HSPG2: variants seen among roughly 807,000 people sequenced by gnomAD.
HSPG2 encodes heparan sulfate proteoglycan 2, also known as basement membrane-specific heparan sulfate proteoglycan core protein.
A neutral mutation model predicts 526.6 loss-of-function variants in HSPG2; 278 were observed. That is an observed-to-expected ratio of 0.53 (90% CI 0.48 to 0.58). The LOEUF (loss-of-function observed/expected upper bound fraction) is 0.58. HSPG2 is among the 20% of genes least tolerant of loss of function. The pLI is 0.00. For missense variants in HSPG2, 5,354 were observed against 6,099.5 expected, an observed-to-expected ratio of 0.88 and a Z score of 4.07; for synonymous variants, 2,465 against 2,555.4, an observed-to-expected ratio of 0.96 and a Z score of 1.07.
intron 55 of HSPG2, 30 bp from the exon 56 acceptor site, chr1:21,850,528 G>T (rs2152717796): frequency 1.3e-6 from 2 of 1,577,996 alleles, no homozygotes; most frequent in East Asian, 4.5e-5. Context: ...GTCAGAGGGA[G>T]CCCTCAGGAG....
chr1:21,931,836 C>T (rs901173377), intron 1 of HSPG2, among the ~76,000 whole-genome samples: 1 of 152,140 alleles, frequency 6.6e-6, no homozygotes, highest in Non-Finnish European at 1.5e-5. Flanking sequence ...CCCCAGGGAA[C>T]AGCCAGAAAA....
chr1:21,844,316 A>T lies in HSPG2; in HGVS notation c.8465-17T>A. On this transcript the variant is annotated splice_polypyrimidine_tract_variant and intron_variant, in intron 64 of 96. Transcript: ENST00000374695. ...CACCTGGGGCTGGGGCACAGGGGAG[A>T]GGTCAGTGAGCTGAGATGCCACCCT... The T allele has an allele frequency of 1.2e-6, 2 of 1,605,658 alleles. No homozygotes were observed. Among genetic ancestry groups the T allele is most frequent in the Non-Finnish European group, 1.7e-6 (2 of 1,174,092 alleles).
chr1:21,862,762 T>C (rs552227243), intron 37 of HSPG2, among the ~76,000 whole-genome samples: 13 of 151,948 alleles, frequency 8.6e-5, no homozygotes, highest in Non-Finnish European at 1.8e-4. Flanking sequence ...CTCAGGTATT[T>C]GGGGGCAGAG....
chr1:21,828,912 G>C lies in HSPG2; in HGVS notation c.12160C>G (p.Leu4054Val). Residue 4054 changes from leucine (L) to valine (V), a missense_variant, in exon 88 of 97, where the codon CTG becomes GTG. Leu to Val is a conservative substitution (Grantham distance 32, BLOSUM62 1). Coordinates refer to ENST00000374695, the MANE Select transcript of HSPG2 (RefSeq NM_005529.7). This position sits in a 1 kb window ranked among gnomAD's most constrained non-coding sequence, Gnocchi z 6.0. ...QGLNLHTLLY[L>V]GGVEPSVPLS... ...GGCACGGAAGGCTCCACACCCCCCA[G>C]GTAGAGCAGGGTGTGCAGGTTGAGG... 1.3e-6 allele frequency: 2 copies of C among 1,562,018 alleles called. No individual in the cohort carries two copies.
chr1:21,887,290 C>T lies in HSPG2; in HGVS notation c.1003G>A (p.Gly335Arg). 6.2e-7 allele frequency: 1 copy of T among 1,614,092 alleles called. No homozygotes were observed. Among genetic ancestry groups the T allele is most frequent in the Non-Finnish European group, 8.5e-7 (1 of 1,179,960 alleles). ...CEPNEFPCGN[G>R]HCALKLWRCD... Reference sequence around the variant, plus strand: ...CGCCACAGCTTGAGGGCACAATGTCCATTCCCGCAGGGGAACTCGTTGGGC... The same window carrying T: ...CGCCACAGCTTGAGGGCACAATGTCTATTCCCGCAGGGGAACTCGTTGGGC... The change falls in exon 9 of 97, where the codon GGA becomes AGA. Residue 335 changes from glycine to arginine, a missense_variant. Gly to Arg is a moderately radical substitution (Grantham distance 125, BLOSUM62 -2). Coordinates refer to ENST00000374695, the MANE Select transcript of HSPG2 (RefSeq NM_005529.7). The surrounding 1 kb of genome is among the most constrained non-coding windows in gnomAD (Gnocchi z 5.0).
At chr1:21,878,077 A>C in intron 21 of HSPG2, 109 bp downstream of exon 21, 1 of 1,006,144 alleles carries the variant, frequency 9.9e-7, no homozygotes. Context: ...TGACTGGGTT[A>C]CCACCCACTG....
Position 21,861,993 on chromosome 1 carries a change from C to G in HSPG2, c.4863G>C (p.Glu1621Asp), listed in dbSNP as rs1246532728. 4.3e-6 allele frequency: 7 copies of G among 1,614,238 alleles called. No homozygotes were observed. The Admixed American group carries it at 1.2e-4, about 27-fold the overall frequency. The change falls in exon 38 of 97, where the codon GAG (glutamate) becomes GAC (aspartate). Residue 1621 changes from glutamate to aspartate, a missense_variant. Glu to Asp is a conservative substitution (Grantham distance 45, BLOSUM62 2). Coordinates refer to ENST00000374695, the MANE Select transcript of HSPG2 (RefSeq NM_005529.7). ...QPCACPLTNPENMFSRTCESL... is the reference protein window; with the variant it reads ...QPCACPLTNPDNMFSRTCESL... ...CCTTGAGCTAGGGTACCCACATGTT[C>G]TCTGGGTTGGTCAGTGGGCAGGCAC...
chr1:21,884,307 C>T (rs572774525), intron 13 of HSPG2, among the ~76,000 whole-genome samples: 3 of 152,272 alleles, frequency 2.0e-5, no homozygotes, highest in South Asian at 2.1e-4. Flanking sequence ...CCGTCCTCGC[C>T]GTAACCTGAA....
chr1:21,913,443 G>A (rs572955927), intron 1 of HSPG2, among the ~76,000 whole-genome samples: 5 of 152,296 alleles, frequency 3.3e-5, no homozygotes, highest in East Asian at 1.9e-4. Flanking sequence ...AAATCTCCCC[G>A]CTGCCTGTCA....
Position 21,864,119 on chromosome 1 carries a change from G to A in HSPG2, c.4721C>T (p.Pro1574Leu), listed in dbSNP as rs1395116183. Residue 1574 changes from proline (P) to leucine (L), a missense_variant, in exon 37 of 97, where the codon CCA (proline) becomes CTA (leucine). Coordinates refer to ENST00000374695, the MANE Select transcript of HSPG2 (RefSeq NM_005529.7). The surrounding 1 kb of genome is among the most constrained non-coding windows in gnomAD (Gnocchi z 4.8). ...ECNGHSDLCHPETGACSQCQH... is the reference protein window; with the variant it reads ...ECNGHSDLCHLETGACSQCQH... ...GCTCACCGAGCAGGCCCCAGTCTCT[G>A]GGTGGCACAGGTCTGAGTGGCCATT... 6.4e-7 allele frequency: 1 copy of A among 1,554,874 alleles called. No homozygotes were observed. Among genetic ancestry groups the A allele is most frequent in the Admixed American group, 1.9e-5 (1 of 51,714 alleles).
chr1:21,860,314 C>A (rs1425385018), intron 39 of HSPG2, 79 bp from the exon 40 acceptor site: 4 of 1,339,526 alleles, frequency 3.0e-6, no homozygotes, highest in Admixed American at 2.0e-5. Context: ...GAGCCAGAAG[C>A]TCAGCAGGCC....
chr1:21,878,967 C>G (rs572855572), intron 18 of HSPG2, 27 bp downstream of exon 18: 59 of 1,608,838 alleles, frequency 3.7e-5, no homozygotes, highest in South Asian at 5.5e-5. Context: ...CCAGCCAAAC[C>G]CCCCCTGACC....
In HSPG2 at chr1:21,859,438, T is replaced by C. The variant is rs1195963509; in HGVS notation, c.5293+128A>G. ...AATCTGCCACCTCTCCTCATCTCCA[T>C]GGCTGCTGACCTTGTTCGGGCAACC... On this transcript the variant is annotated intron_variant, in intron 42 of 96. Transcript: ENST00000374695. This position sits in a 1 kb window ranked among gnomAD's most constrained non-coding sequence, Gnocchi z 5.3. 8 of 738,404 alleles carry C rather than the reference T, an allele frequency of 1.1e-5. No homozygotes were observed. In the Admixed American group the frequency reaches 1.4e-4, roughly 13 times the overall value. 45.7% of individuals were successfully genotyped at this position (738,404 alleles called of 1,614,324 possible). A position where few individuals can be genotyped will look rare whatever the true frequency, so the allele number is the denominator to read the frequency against.
chr1:21,824,348 T>C lies in HSPG2; in HGVS notation c.12773A>G (p.Asp4258Gly), dbSNP rs756568323. ...GTCTTGAAGCCCGAGGCTGATGAAG[T>C]CCTTGCCTTGGCCGGCCTCTCCCAC... Reference protein sequence around the residue: ...VEVGEAGQGKDFISLGLQDGH... With the variant: ...VEVGEAGQGKGFISLGLQDGH... Residue 4258 changes from aspartate to glycine, a missense_variant, in exon 94 of 97, where the codon GAC becomes GGC. Coordinates refer to ENST00000374695, the MANE Select transcript of HSPG2 (RefSeq NM_005529.7). The surrounding 1 kb of genome is among the most constrained non-coding windows in gnomAD (Gnocchi z 5.9). 10 of 1,613,696 alleles carry C rather than the reference T, an allele frequency of 6.2e-6. No homozygotes were observed. Among genetic ancestry groups the C allele is most frequent in the Non-Finnish European group, 8.5e-6 (10 of 1,180,014 alleles).
At chr1:21,936,066 G>T (rs150034434) in intron 1 of HSPG2, among the ~76,000 whole-genome samples, 1 of 152,082 alleles carries the variant, frequency 6.6e-6, no homozygotes, top group Non-Finnish European at 1.5e-5. Flanking sequence ...TCCCTCTCTT[G>T]GCTCAGAGAA....
intron 1 of HSPG2, among the ~76,000 whole-genome samples, chr1:21,912,668 A>T (rs1175869371): frequency 6.6e-6 from 1 of 152,120 alleles, no homozygotes. Context: ...TGTGCCTCCC[A>T]TACCCCCATA....
chr1:21,909,362 A>G (rs1436685930), intron 1 of HSPG2, among the ~76,000 whole-genome samples: 1 of 152,200 alleles, frequency 6.6e-6, no homozygotes, highest in Non-Finnish European at 1.5e-5. Context: ...GCAGACAGAG[A>G]GCACATGCTG....
rs561814891 is a variant in HSPG2 at position 21,855,441 on chromosome 1, C to T, written c.5860G>A (p.Gly1954Ser). 59 of 1,613,148 alleles carry T rather than the reference C, an allele frequency of 3.7e-5. No homozygotes were observed. Among genetic ancestry groups the T allele is most frequent in the African/African-American group, 1.7e-4 (13 of 75,042 alleles). The change falls in exon 47 of 97, where the codon GGT (glycine) becomes AGT (serine). Residue 1954 changes from glycine (G) to serine (S), a missense_variant. Transcript: ENST00000374695. ...GGGCTCACTTGGACTCTGGGCCCAC[C>T]GCCCCCTGCAGACAGAGTCCTGTGA... ...ARAVLHVHGG[G>S]GPRVQVSPER...
intron 65 of HSPG2, 36 bp from the exon 66 acceptor site, chr1:21,843,474 T>C: frequency 6.3e-7 from 1 of 1,592,634 alleles, no homozygotes; most frequent in Non-Finnish European, 8.6e-7. Context: ...GAGGGTGAGC[T>C]GGGAGCCTTC....
Sources: gnomAD v4.1 joint callset for allele counts (sites outside exome capture counted in the v4.1 genomes callset) on GRCh38, gnomAD v4.1.1 for gene constraint, Gnocchi (gnomAD v3.1) non-coding constraint, MANE v1.5 for transcripts, NCBI Gene and HGNC (gene_info 2026-07-23, HGNC 2026-07-21) for gene names.